MGAM: variants seen among roughly 807,000 people sequenced by gnomAD.
The protein encoded by MGAM is maltase-glucoamylase.
Under a neutral mutation model 358.8 loss-of-function variants are expected in MGAM, and 253 were observed. The ratio of observed to expected loss-of-function variants is 0.71; its 90% CI spans 0.64 to 0.78. The LOEUF (loss-of-function observed/expected upper bound fraction) is 0.78. MGAM is among the 30% of genes least tolerant of loss of function. The pLI, the probability that MGAM is intolerant of heterozygous loss-of-function variation, is 0.00. For synonymous variants in MGAM, 1,105 were observed against 1,227.1 expected (o/e 0.90, Z 2.08); for missense variants, 3,080 against 3,432.6 (o/e 0.90, Z 2.57).
At chr7:142,057,326 A>C (rs1811649785) in intron 30 of MGAM, among the ~76,000 whole-genome samples, 1 of 146,526 alleles carries the variant, frequency 6.8e-6, no homozygotes, top group East Asian at 2.0e-4. Context: ...GGTGGTGGTA[A>C]TGGGTGTGTT....
rs756372324 is a variant in MGAM, at chr7:142,040,189, T to G, written c.2373+18T>G. On this transcript the variant is annotated intron_variant, in intron 20 of 70. Transcript: ENST00000475668. The stretch of plus-strand genomic sequence containing the variant: ...ACGAGACTGTAAGTAGCTTTGACTT[T>G]TCTTCTACTCCTTAAGACTGTAGCT... 2 of 1,593,900 alleles carry G rather than the reference T, an allele frequency of 1.3e-6. No individual in the cohort carries two copies. The highest frequency in any genetic ancestry group is 1.7e-5 in the Admixed American group (1 of 59,546).
rs764773601 is a variant in MGAM at position 142,074,087 on chromosome 7, G to A, written c.5189G>A (p.Arg1730Gln). 35 of 1,535,536 alleles carry A rather than the reference G, an allele frequency of 2.3e-5. 5 individuals carry two copies. The highest frequency in any genetic ancestry group is 1.2e-4 in the African/African-American group (9 of 74,414). ...QEPALNTHLS[R>Q]KNPLGLIIAL... ...CTCTTGAATCTTGTTCCCCACAGTC[G>A]AAAGAACCCTCTTGGTCTTATTATT... Residue 1730 changes from arginine (R) to glutamine (Q), a missense_variant and splice_region_variant, in exon 45 of 71, where the codon CGA becomes CAA. Arg to Gln is a conservative substitution (Grantham distance 43). This residue lies in a region of MGAM where 932 missense variants were observed against 1,198.2 expected (regional missense o/e 0.78). Transcript: ENST00000475668.
At position 142,074,157 on chromosome 7, in the gene MGAM, T is replaced by A; in HGVS notation, c.5259T>A (p.Asp1753Glu). ...NKEAKGELFW[D>E]DGQTKDTVAK... ...AAGCAAAAGGAGAACTTTTCTGGGATGATGGGCAAACAAAGGGTGAGCGCT... is the reference window on the plus strand; with the variant it reads ...AAGCAAAAGGAGAACTTTTCTGGGAAGATGGGCAAACAAAGGGTGAGCGCT... Residue 1753 changes from aspartate to glutamate, a missense_variant, in exon 45 of 71, where the codon GAT becomes GAA. Around this residue, in one of 5 missense-constraint regions of MGAM, gnomAD observed 932 missense variants for 1,198.2 expected, o/e 0.78. Transcript: ENST00000475668. 1 of 1,538,920 alleles carries A rather than the reference T, an allele frequency of 6.5e-7. No individual in the cohort carries two copies. Among genetic ancestry groups the A allele is most frequent in the Non-Finnish European group, 8.9e-7 (1 of 1,122,868 alleles).
intron 4 of MGAM, 97 bp downstream of exon 4, chr7:142,019,416 C>A: frequency 7.7e-7 from 1 of 1,293,648 alleles, no homozygotes; most frequent in Non-Finnish European, 1.0e-6. Flanking sequence ...CTCTGTGGGG[C>A]CATATAACCA....
At chr7:141,993,592 A>G (rs117601657), upstream of MGAM, among the ~76,000 whole-genome samples, 1,118 of 152,308 alleles carry the variant, frequency 7.3e-3, 5 homozygotes, top group Non-Finnish European at 0.011. Context: ...AACAGAGCAA[A>G]GTTCTTAACC....
At chr7:142,054,344 C>A (rs1327449219) in intron 26 of MGAM, among the ~76,000 whole-genome samples, 4 of 152,184 alleles carry the variant, frequency 2.6e-5, no homozygotes, top group Non-Finnish European at 5.9e-5. Context: ...AGTTTAGATA[C>A]CACTTTCAGC....
chr7:142,044,566 G>T (rs1366291752), intron 21 of MGAM, among the ~76,000 whole-genome samples: 2 of 97,038 alleles, frequency 2.1e-5, no homozygotes. Flanking sequence ...ATATACACGT[G>T]TAATATATGA....
At chr7:142,052,661 G>T (rs529825386) in intron 25 of MGAM, 123 bp from the exon 26 acceptor site, 4 of 1,365,348 alleles carry the variant, frequency 2.9e-6, no homozygotes, top group African/African-American at 2.9e-5. Context: ...TTATGTTATT[G>T]CCAAGTGATA....
chr7:142,016,097 C>CT (rs1333674774), intron 3 of MGAM, among the ~76,000 whole-genome samples: 1 of 152,010 alleles, frequency 6.6e-6, no homozygotes, highest in Admixed American at 6.6e-5. Flanking sequence ...TGTAGTTATC[C>CT]TTTATGTTTC....
intron 63 of MGAM, 138 bp downstream of exon 63, chr7:142,095,001 A>G (rs1815767805): frequency 9.2e-6 from 8 of 867,428 alleles, no homozygotes; most frequent in Admixed American, 5.8e-5. Context: ...GACTCATTCT[A>G]TTGCCTAAGC....
chr7:142,052,220 G>GA lies in MGAM; in HGVS notation c.2806-65dup, dbSNP rs369156723. 6,172 of 1,183,166 alleles carry GA rather than the reference G, an allele frequency of 5.2e-3. 46 individuals are homozygous for GA. The highest frequency in any genetic ancestry group is 0.04 in the African/African-American group (2,542 of 63,368). 73.3% of individuals were successfully genotyped at this position (1,183,166 alleles called of 1,614,324 possible). A position where few individuals can be genotyped will look rare whatever the true frequency, so the allele number is the denominator to read the frequency against. On this transcript the variant is annotated intron_variant, in intron 24 of 70. Coordinates refer to ENST00000475668, the MANE Select transcript of MGAM (RefSeq NM_001365693.1). ...GTCTAATTTCTATTTTTTTTTTATC[G>GA]AAAAAAAAACCTCAGGTCTTGCAAA... is the stretch of plus-strand genomic sequence containing the variant.
intron 34 of MGAM, 151 bp from the exon 35 acceptor site, chr7:142,062,417 C>A: frequency 9.4e-7 from 1 of 1,066,382 alleles, no homozygotes; most frequent in Non-Finnish European, 1.3e-6. Flanking sequence ...TTCTACATTT[C>A]TCTAAGAAGT....
chr7:142,021,684 C>G lies in MGAM; in HGVS notation c.657C>G (p.Ile219Met). 2 of 1,613,940 alleles carry G rather than the reference C, an allele frequency of 1.2e-6. No homozygotes were observed. The highest frequency in any genetic ancestry group is 1.7e-6 in the Non-Finnish European group (2 of 1,179,834). ...AAASLTYQVE[I>M]SRQPFSIKVT... ...CTTCTTTGACCTACCAAGTTGAAAT[C>G]TCCAGACAGCCATTTAGCATCAAAG... Residue 219 changes from isoleucine (I) to methionine (M), a missense_variant, in exon 6 of 71, where the codon ATC becomes ATG. This residue lies in a region of MGAM where 1,816 missense variants were observed against 1,840.5 expected (regional missense o/e 0.99). Coordinates refer to ENST00000475668, the MANE Select transcript of MGAM (RefSeq NM_001365693.1).
chr7:142,102,706 A>G, intron 69 of MGAM, 27 bp downstream of exon 69: 1 of 1,605,320 alleles, frequency 6.2e-7, no homozygotes, highest in Non-Finnish European at 8.5e-7. Context: ...TGAAGTGAGA[A>G]TAGGGTTCCA....
At chr7:142,063,105 G>C (rs1812383420) in intron 35 of MGAM, among the ~76,000 whole-genome samples, 1 of 152,128 alleles carries the variant, frequency 6.6e-6, no homozygotes, top group South Asian at 2.1e-4. Flanking sequence ...AGCTGAGGGA[G>C]GAGAATCGCT....
intron 17 of MGAM, 99 bp downstream of exon 17, chr7:142,036,384 C>T: frequency 2.3e-6 from 2 of 878,588 alleles, no homozygotes; most frequent in East Asian, 2.6e-5. Flanking sequence ...CAACCTCTTA[C>T]CTGGTCTTCA....
chr7:142,057,788 T>C (rs1385119758), intron 30 of MGAM, among the ~76,000 whole-genome samples: 1 of 152,148 alleles, frequency 6.6e-6, no homozygotes, highest in African/African-American at 2.4e-5. Context: ...AACTCATTCA[T>C]GCATCACAGA....
chr7:142,052,495 C>T (rs1304079703), intron 25 of MGAM, 49 bp downstream of exon 25: 1 of 1,603,154 alleles, frequency 6.2e-7, no homozygotes, highest in African/African-American at 1.3e-5. Flanking sequence ...CACACCTAAT[C>T]TGTAGTTTCT....
intron 21 of MGAM, among the ~76,000 whole-genome samples, 198 bp downstream of exon 21, chr7:142,041,044 G>T (rs1321552088): frequency 6.6e-6 from 1 of 152,078 alleles, no homozygotes; most frequent in Non-Finnish European, 1.5e-5. Context: ...CCCTCTGTCT[G>T]CCTTGGCCAC....
Sources: allele counts gnomAD v4.1 joint callset (sites outside exome capture counted in the v4.1 genomes callset), GRCh38; gene constraint gnomAD v4.1.1; regional missense constraint gnomAD v4.1.1; transcripts MANE v1.5; gene names NCBI Gene and HGNC (gene_info 2026-07-23, HGNC 2026-07-21).